The following PIK3AP1 variants were observed in gnomAD, a reference collection of about 807,000 sequenced individuals.
PIK3AP1 encodes phosphoinositide-3-kinase adaptor protein 1.
In PIK3AP1, 21 loss-of-function variants were observed where a neutral mutation model predicts 88.1. That is an observed-to-expected ratio of 0.24 (90% CI 0.17 to 0.34). The LOEUF is 0.34. Among genes scored for constraint, PIK3AP1 ranks in the 10% least tolerant of loss-of-function variants. The probability of loss-of-function intolerance (pLI) is 1.00; values close to 1 mark genes in which losing one functional copy is unlikely to be tolerated. For synonymous variants in PIK3AP1, 398 were observed against 400.0 expected, an observed-to-expected ratio of 1.00 and a Z score of 0.06; for missense variants, 828 against 1,035.7, an observed-to-expected ratio of 0.80 and a Z score of 2.75.
chr10:96,604,043 G>T lies in PIK3AP1; in HGVS notation c.2177C>A (p.Thr726Lys). Residue 726 changes from threonine to lysine, a missense_variant, in exon 15 of 17, where the codon ACA becomes AAA. Transcript: ENST00000339364. ...TDSTSSTASS[T>K]SNRSSTRSLL... Reference sequence around the variant, plus strand: ...GCTCCGGGTGCTGGAGCGGTTACTTGTGCTACCTAAAGGGTAGAAAGAAAA... The same window carrying T: ...GCTCCGGGTGCTGGAGCGGTTACTTTTGCTACCTAAAGGGTAGAAAGAAAA... 2 of 1,599,680 alleles carry T rather than the reference G, an allele frequency of 1.3e-6. No homozygotes were observed. The highest frequency in any genetic ancestry group is 1.7e-5 in the Admixed American group (1 of 58,952).
At chr10:96,630,416 T>C (rs1238442945) in intron 8 of PIK3AP1, among the ~76,000 whole-genome samples, 1 of 152,204 alleles carries the variant, frequency 6.6e-6, no homozygotes, top group African/African-American at 2.4e-5. Flanking sequence ...ATTTTAAACA[T>C]ATTCTGATAA....
At chr10:96,631,498 C>T (rs1426023868) in intron 8 of PIK3AP1, among the ~76,000 whole-genome samples, 1 of 152,170 alleles carries the variant, frequency 6.6e-6, no homozygotes, top group African/African-American at 2.4e-5. Context: ...CTGGGCCTGG[C>T]ATGCTCATAT....
Position 96,620,494 on chromosome 10 carries a change from A to G in PIK3AP1, c.1799T>C (p.Met600Thr), listed in dbSNP as rs1206505932. 1 of 1,613,974 alleles carries G rather than the reference A, an allele frequency of 6.2e-7. No homozygotes were observed. The highest frequency in any genetic ancestry group is 2.2e-5 in the East Asian group (1 of 44,882). ...AAGCTGCCGCTGGCCTGGCGTTTTC[A>G]TTCCCGCAAAAGGGTCATATATACT... ...QSSIYDPFAG[M>T]KTPGQRQLIT... Residue 600 changes from methionine (M) to threonine (T), a missense_variant, in exon 12 of 17, where the codon ATG becomes ACG. By Grantham distance (81) the Met-to-Thr change is moderately conservative (BLOSUM62 -1). This residue lies in a region of PIK3AP1 where 27 missense variants were observed against 67.1 expected (regional missense o/e 0.40). Coordinates refer to ENST00000339364, the MANE Select transcript of PIK3AP1 (RefSeq NM_152309.3).
intron 2 of PIK3AP1, among the ~76,000 whole-genome samples, chr10:96,681,515 G>T (rs1353060201): frequency 6.6e-6 from 1 of 152,170 alleles, no homozygotes; most frequent in Non-Finnish European, 1.5e-5. Context: ...ATTATGCTGA[G>T]ATCAGTCTCT....
intron 8 of PIK3AP1, 134 bp downstream of exon 8, chr10:96,645,339 G>T: frequency 1.2e-6 from 1 of 847,098 alleles, no homozygotes; most frequent in Non-Finnish European, 1.8e-6. Flanking sequence ...CCCTAGCTTT[G>T]TGTAAAACAG....
intron 1 of PIK3AP1, among the ~76,000 whole-genome samples, chr10:96,718,559 C>T (rs983794484): frequency 2.6e-5 from 4 of 152,178 alleles, no homozygotes; most frequent in Non-Finnish European, 4.4e-5. Flanking sequence ...CTAACCATTA[C>T]AAACACCTGC....
chr10:96,700,843 C>A, intron 2 of PIK3AP1: 5 of 985,630 alleles, frequency 5.1e-6, no homozygotes, highest in Non-Finnish European at 6.0e-6. Context: ...GCAGCAACTT[C>A]CCCTTTGCTC....
chr10:96,664,256 C>T (rs771011561), intron 2 of PIK3AP1, among the ~76,000 whole-genome samples: 44 of 152,054 alleles, frequency 2.9e-4, no homozygotes, highest in Non-Finnish European at 6.2e-4. Context: ...TTACGGCATG[C>T]GAAGCGAAAA....
At chr10:96,638,983 A>G (rs1290068374) in intron 8 of PIK3AP1, among the ~76,000 whole-genome samples, 2 of 152,248 alleles carry the variant, frequency 1.3e-5, no homozygotes, top group Non-Finnish European at 2.9e-5. Flanking sequence ...CTAATAAAGG[A>G]AAAACAAATG....
intron 2 of PIK3AP1, among the ~76,000 whole-genome samples, chr10:96,684,076 A>G (rs1371302701): frequency 6.6e-6 from 1 of 152,216 alleles, no homozygotes; most frequent in Non-Finnish European, 1.5e-5. Context: ...CCATTCTGCC[A>G]CTTAGGAGAT....
chr10:96,638,879 GC>G (rs1436274689), intron 8 of PIK3AP1, among the ~76,000 whole-genome samples: 18 of 152,304 alleles, frequency 1.2e-4, no homozygotes, highest in Admixed American at 9.8e-4. Flanking sequence ...CAAGTTTCAT[GC>G]CAGCTTGTTT....
rs758488462 is a variant in PIK3AP1 at position 96,620,568 on chromosome 10, T to C, written c.1736-11A>G. 7 of 1,610,708 alleles carry C rather than the reference T, an allele frequency of 4.3e-6. No homozygotes were observed. Among genetic ancestry groups the C allele is most frequent in the Non-Finnish European group, 5.9e-6 (7 of 1,178,682 alleles). On this transcript the variant is annotated splice_polypyrimidine_tract_variant and intron_variant, in intron 11 of 16. Transcript: ENST00000339364. ...GTCTGACGGGCGGCCCTGGAAAGGATGGCAAAACTCAGCTTGACAGCTCCC... is the reference window on the plus strand; with the variant it reads ...GTCTGACGGGCGGCCCTGGAAAGGACGGCAAAACTCAGCTTGACAGCTCCC...
intron 2 of PIK3AP1, among the ~76,000 whole-genome samples, chr10:96,702,025 A>T (rs1438555159): frequency 6.6e-6 from 1 of 152,226 alleles, no homozygotes; most frequent in Non-Finnish European, 1.5e-5. Flanking sequence ...CCTGGAGGAC[A>T]TTATGCAAAG....
Position 96,652,858 on chromosome 10 carries a change from G to A in PIK3AP1, c.568-16C>T, listed in dbSNP as rs369779741. The A allele has an allele frequency of 7.5e-5, 121 of 1,610,144 alleles. No homozygotes were observed. The highest frequency in any genetic ancestry group is 5.1e-4 in the African/African-American group (38 of 74,970). On this transcript the variant is annotated splice_polypyrimidine_tract_variant and intron_variant, in intron 3 of 16. Transcript: ENST00000339364. Reference sequence around the variant, plus strand: ...TGGTTTCTGCCTGAAACGGGAAGCCGGTCATTGTCCCCTCTCCCTCTCAGA... The same window carrying A: ...TGGTTTCTGCCTGAAACGGGAAGCCAGTCATTGTCCCCTCTCCCTCTCAGA...
intron 11 of PIK3AP1, among the ~76,000 whole-genome samples, chr10:96,622,403 A>G (rs1449687630): frequency 2.0e-5 from 3 of 152,188 alleles, no homozygotes; most frequent in Admixed American, 2.0e-4. Context: ...ATACAAGGCT[A>G]TTTGGATCTA....
chr10:96,599,417 C>G (rs1435834101), intron 16 of PIK3AP1, among the ~76,000 whole-genome samples: 1 of 152,150 alleles, frequency 6.6e-6, no homozygotes, highest in Non-Finnish European at 1.5e-5. Context: ...GAGATGGAGA[C>G]TTGGGGTCTT....
rs1012642765 is a variant in PIK3AP1, at chr10:96,713,902, G to A, written c.14-3919C>T. Among the ~76,000 whole-genome samples the A allele has an allele frequency of 3.3e-5, 5 of 152,134 alleles. No homozygotes were observed. In the South Asian group the frequency reaches 6.2e-4, roughly 19 times the overall value. On this transcript the variant is annotated intron_variant, in intron 1 of 16. Coordinates refer to ENST00000339364, the MANE Select transcript of PIK3AP1 (RefSeq NM_152309.3). ...AGACTCCAAGTCAAGGGCTGGCTGC[G>A]GTGGCTCAAGCCTGTAATCCCAGCA... is the stretch of plus-strand genomic sequence containing the variant.
At chr10:96,699,178 C>G (rs1301829472) in intron 2 of PIK3AP1, among the ~76,000 whole-genome samples, 1 of 151,992 alleles carries the variant, frequency 6.6e-6, no homozygotes, top group Non-Finnish European at 1.5e-5. Flanking sequence ...GGGCAAAACT[C>G]TGTCTCAAAA....
chr10:96,655,305 G>A (rs1843600190), intron 3 of PIK3AP1, among the ~76,000 whole-genome samples: 1 of 152,084 alleles, frequency 6.6e-6, no homozygotes, highest in Admixed American at 6.5e-5. Context: ...GGAGTTTGAG[G>A]CCAACCTGGC....
Sources: gnomAD v4.1 joint callset for allele counts (sites outside exome capture counted in the v4.1 genomes callset) on GRCh38, gnomAD v4.1.1 for gene constraint, gnomAD v4.1.1 regional missense constraint, MANE v1.5 for transcripts, NCBI Gene and HGNC (gene_info 2026-07-23, HGNC 2026-07-21) for gene names.